The following SDK1 variants were observed in gnomAD, a reference collection of about 807,000 sequenced individuals.
SDK1 encodes the protein sidekick cell adhesion molecule 1, also known as protein sidekick-1.
A neutral mutation model predicts 245.5 loss-of-function variants in SDK1; 157 were observed. That is an observed-to-expected ratio of 0.64 (90% CI 0.56 to 0.73). SDK1 has a LOEUF of 0.73. Among genes scored for constraint, SDK1 ranks in the 30% least tolerant of loss-of-function variants. The pLI is 0.00. For synonymous variants in SDK1, 1,647 were observed against 1,278.5 expected (o/e 1.29, Z -6.15); for missense variants, 3,583 against 3,002.3 (o/e 1.19, Z -4.52).
chr7:3,454,787 G>A (rs1219981144), intron 1 of SDK1, among the ~76,000 whole-genome samples: 3 of 152,162 alleles, frequency 2.0e-5, no homozygotes, highest in East Asian at 3.9e-4. Flanking sequence ...TTGAGCTGCT[G>A]TGAAAATTTC....
At position 3,694,128 on chromosome 7, in the gene SDK1, T is replaced by C. The variant is rs1417245728; in HGVS notation, c.713+52023T>C. Among the ~76,000 whole-genome samples, 3 of 152,210 alleles carry C rather than the reference T, an allele frequency of 2.0e-5. No homozygotes were observed. In the South Asian group the frequency reaches 6.2e-4, roughly 32 times the overall value. On this transcript the variant is annotated intron_variant, in intron 4 of 44. Transcript: ENST00000404826. Reference sequence around the variant, plus strand: ...GATTGGAAGGCAAATTGTAAAAGACTAAGCACTGTGACAATGGGAAAGTAA... The same window carrying C: ...GATTGGAAGGCAAATTGTAAAAGACCAAGCACTGTGACAATGGGAAAGTAA...
At chr7:4,204,103 G>A (rs945576514) in intron 35 of SDK1, among the ~76,000 whole-genome samples, 11 of 152,248 alleles carry the variant, frequency 7.2e-5, no homozygotes, top group Middle Eastern at 3.2e-3. Context: ...TGGGGCTGTC[G>A]CGGGGGGAGG....
intron 5 of SDK1, among the ~76,000 whole-genome samples, chr7:3,870,084 G>A (rs1486835593): frequency 6.6e-6 from 1 of 152,068 alleles, no homozygotes; most frequent in Non-Finnish European, 1.5e-5. Context: ...AATAATAAAA[G>A]GCATTTAAAA....
intron 1 of SDK1, among the ~76,000 whole-genome samples, chr7:3,529,577 C>T (rs1175184410): frequency 2.0e-5 from 3 of 151,656 alleles, no homozygotes; most frequent in Admixed American, 1.3e-4. Flanking sequence ...TTGTTGTTTA[C>T]GGTAGAATGG....
chr7:3,349,824 G>A (rs1021863015), intron 1 of SDK1, among the ~76,000 whole-genome samples: 3 of 151,916 alleles, frequency 2.0e-5, no homozygotes, highest in Non-Finnish European at 2.9e-5. Flanking sequence ...GGATGGTCTC[G>A]ATCTCCTGAC....
intron 4 of SDK1, among the ~76,000 whole-genome samples, chr7:3,658,132 A>G (rs1783245918): frequency 1.3e-5 from 2 of 152,170 alleles, no homozygotes; most frequent in South Asian, 4.1e-4. Context: ...CCCGCCTCAC[A>G]GGACTTTTAC....
At chr7:3,798,675 T>C (rs1269447460) in intron 4 of SDK1, among the ~76,000 whole-genome samples, 12 of 152,178 alleles carry the variant, frequency 7.9e-5, no homozygotes, top group Non-Finnish European at 1.5e-5. Context: ...GTCACTCGGC[T>C]AAGGCGGTGT....
chr7:3,740,272 A>G (rs1779441185), intron 4 of SDK1, among the ~76,000 whole-genome samples: 1 of 152,180 alleles, frequency 6.6e-6, no homozygotes, highest in Non-Finnish European at 1.5e-5. Context: ...TTTTCTGGAC[A>G]TGTGCTTAGC....
At chr7:3,493,202 C>T (rs192121209) in intron 1 of SDK1, among the ~76,000 whole-genome samples, 2 of 152,248 alleles carry the variant, frequency 1.3e-5, no homozygotes, top group East Asian at 1.9e-4. Flanking sequence ...CCTCACACCT[C>T]GGCCTCCCAA....
intron 4 of SDK1, among the ~76,000 whole-genome samples, chr7:3,725,742 G>T (rs1051474602): frequency 2.0e-4 from 30 of 152,224 alleles, no homozygotes; most frequent in African/African-American, 5.5e-4. Context: ...CTGGAGAGAA[G>T]AAAATTGCTA....
chr7:3,620,284 T>C (rs752880831), intron 2 of SDK1, among the ~76,000 whole-genome samples: 3 of 145,740 alleles, frequency 2.1e-5, no homozygotes, highest in South Asian at 4.6e-4. Context: ...AAAAAAAATA[T>C]GAGAATGCTT....
chr7:3,598,095 T>C (rs564906760), intron 1 of SDK1, among the ~76,000 whole-genome samples: 1 of 152,202 alleles, frequency 6.6e-6, no homozygotes, highest in Non-Finnish European at 1.5e-5. Flanking sequence ...TTGCCTACAT[T>C]TAGTGTTGTT....
intron 19 of SDK1, among the ~76,000 whole-genome samples, chr7:4,058,402 A>G (rs539131684): frequency 1.3e-5 from 2 of 152,308 alleles, no homozygotes; most frequent in South Asian, 4.1e-4. Flanking sequence ...CCAGAAGGTG[A>G]AAAGAAAACC....
At chr7:4,055,143 G>A (rs1048901609) in intron 19 of SDK1, among the ~76,000 whole-genome samples, 1 of 152,180 alleles carries the variant, frequency 6.6e-6, no homozygotes, top group African/African-American at 2.4e-5. Context: ...CCACTTCTAT[G>A]TTCTGGAAGA....
Position 3,841,071 on chromosome 7 carries a change from C to A in SDK1, c.847+19488C>A, listed in dbSNP as rs73310069. Among the ~76,000 whole-genome samples, 1,306 of 152,278 alleles carry A rather than the reference C, an allele frequency of 8.6e-3. 21 individuals are homozygous for A. The highest frequency in any genetic ancestry group is 0.03 in the African/African-American group (1,249 of 41,552). ...CATCACAGCCTCACTTGTCTCCAAT[C>A]CCAGGGATGCCCGTTTTGCAGTGGG... On this transcript the variant is annotated intron_variant, in intron 5 of 44. Coordinates refer to ENST00000404826, the MANE Select transcript of SDK1 (RefSeq NM_152744.4).
chr7:3,597,261 G>A (rs973118492), intron 1 of SDK1, among the ~76,000 whole-genome samples: 4 of 115,420 alleles, frequency 3.5e-5, no homozygotes, highest in African/African-American at 1.4e-4. Context: ...GACAGAGTAA[G>A]ACTTGGTCTC....
intron 5 of SDK1, among the ~76,000 whole-genome samples, chr7:3,934,162 T>G (rs998100457): frequency 1.3e-5 from 2 of 152,214 alleles, no homozygotes; most frequent in Admixed American, 6.5e-5. Context: ...TAACTTCAAT[T>G]TAGTCAGGTT....
At chr7:3,357,317 CTTCT>C (rs1456232313) in intron 1 of SDK1, among the ~76,000 whole-genome samples, 2 of 94,830 alleles carry the variant, frequency 2.1e-5, no homozygotes, top group Non-Finnish European at 4.4e-5. Flanking sequence ...TCTTGCTCCC[CTTCT>C]TTTAGTGTTT....
intron 4 of SDK1, among the ~76,000 whole-genome samples, chr7:3,764,904 T>C (rs1420785046): frequency 6.6e-6 from 1 of 152,174 alleles, no homozygotes; most frequent in Non-Finnish European, 1.5e-5. Flanking sequence ...GCCATACTTT[T>C]ACTTTGTTTT....
Sources: allele counts gnomAD v4.1 joint callset (sites outside exome capture counted in the v4.1 genomes callset), GRCh38; gene constraint gnomAD v4.1.1; transcripts MANE v1.5; gene names NCBI Gene and HGNC (gene_info 2026-07-23, HGNC 2026-07-21).